PCDHGB4: variants seen among roughly 807,000 people sequenced by gnomAD.
The protein encoded by PCDHGB4 is protocadherin gamma subfamily B, 4.
Under a neutral mutation model 60.5 loss-of-function variants are expected in PCDHGB4, and 38 were observed. The ratio of observed to expected loss-of-function variants is 0.63; its 90% confidence interval spans 0.48 to 0.82. The LOEUF (loss-of-function observed/expected upper bound fraction) is 0.82, where lower values mean the gene tolerates loss of function less well. Ranked by LOEUF, PCDHGB4 falls within the 40% of genes least tolerant of loss-of-function variation. The pLI is 0.00. For synonymous variants in PCDHGB4, 456 were observed against 509.7 expected, an observed-to-expected ratio of 0.89 and a Z score of 1.42; for missense variants, 1,109 against 1,209.6, an observed-to-expected ratio of 0.92 and a Z score of 1.23.
intron 1 of PCDHGB4, among the ~76,000 whole-genome samples, chr5:141,448,115 T>A (rs62379166): frequency 0.025 from 3,743 of 151,768 alleles, 65 homozygotes; most frequent in Middle Eastern, 0.086. Flanking sequence ...GAAAAGAAAA[T>A]TAGCCTCCCC....
chr5:141,415,843 G>T (rs1022622333), intron 1 of PCDHGB4: 36 of 1,251,418 alleles, frequency 2.9e-5, no homozygotes, highest in Non-Finnish European at 3.6e-5. Flanking sequence ...GATTAGCTTT[G>T]CAGAACCTTG....
chr5:141,403,006 G>T, intron 1 of PCDHGB4: 3 of 1,614,006 alleles, frequency 1.9e-6, no homozygotes, highest in African/African-American at 1.3e-5. Context: ...TGCTATGCTC[G>T]CTCCTGGGGA....
intron 1 of PCDHGB4, chr5:141,415,377 C>A: frequency 1.2e-6 from 2 of 1,614,236 alleles, no homozygotes; most frequent in Non-Finnish European, 1.7e-6. Flanking sequence ...CTTCAGGAGG[C>A]GGCTTGACAG....
chr5:141,441,819 G>A (rs1040935030), intron 1 of PCDHGB4: 6 of 359,092 alleles, frequency 1.7e-5, no homozygotes, highest in Non-Finnish European at 3.3e-5. Context: ...CCCCAGCTCT[G>A]GAGCGCAATG....
chr5:141,404,809 G>A (rs1383342554), intron 1 of PCDHGB4: 1 of 1,613,984 alleles, frequency 6.2e-7, no homozygotes, highest in East Asian at 2.2e-5. Flanking sequence ...TCTTCTCGGT[G>A]GGGCTGCACA....
intron 1 of PCDHGB4, among the ~76,000 whole-genome samples, chr5:141,460,640 TGTTTACACATA>T (rs2098994223): frequency 6.6e-6 from 1 of 152,096 alleles, no homozygotes; most frequent in Admixed American, 6.6e-5. Flanking sequence ...TATATAACTG[TGTTTACACATA>T]TGTAACTGTA....
chr5:141,506,180 G>T (rs548366782), intron 3 of PCDHGB4, among the ~76,000 whole-genome samples: 44 of 152,294 alleles, frequency 2.9e-4, no homozygotes, highest in Non-Finnish European at 5.7e-4. Context: ...GCTGGGCGTG[G>T]TGGCTCACGC....
intron 1 of PCDHGB4, chr5:141,423,652 A>G (rs746768292): frequency 1.9e-6 from 3 of 1,583,268 alleles, no homozygotes; most frequent in Non-Finnish European, 2.6e-6. Flanking sequence ...TGACCCGACA[A>G]GTAATCAGGT....
intron 1 of PCDHGB4, chr5:141,407,979 T>G: frequency 1.3e-6 from 1 of 748,940 alleles, no homozygotes; most frequent in Non-Finnish European, 2.0e-6. Context: ...ACGCCGGGGA[T>G]CCGTCAGCCT....
chr5:141,502,037 C>T (rs2154593041), intron 2 of PCDHGB4, among the ~76,000 whole-genome samples: 1 of 152,302 alleles, frequency 6.6e-6, no homozygotes, highest in East Asian at 1.9e-4. Context: ...CGCCGCTTGC[C>T]TGCTCTCCCT....
chr5:141,475,388 G>C (rs1230010845), intron 1 of PCDHGB4, among the ~76,000 whole-genome samples: 8 of 152,170 alleles, frequency 5.3e-5, no homozygotes, highest in Non-Finnish European at 1.0e-4. Flanking sequence ...AATTTTATAA[G>C]CCAGAGTTAA....
chr5:141,427,494 A>G (rs1220750249), intron 1 of PCDHGB4: 1 of 560,916 alleles, frequency 1.8e-6, no homozygotes, highest in Non-Finnish European at 3.4e-6. Context: ...TAAGCTTGTA[A>G]CAGATGGGAC....
At chr5:141,404,906 C>T (rs776779922) in intron 1 of PCDHGB4, 7 of 1,613,864 alleles carry the variant, frequency 4.3e-6, no homozygotes, top group Non-Finnish European at 5.1e-6. Context: ...CCATGGCCAG[C>T]CCCCTCTCTC....
At chr5:141,397,543 G>A (rs547149193) in intron 1 of PCDHGB4, among the ~76,000 whole-genome samples, 17 of 152,282 alleles carry the variant, frequency 1.1e-4, no homozygotes, top group African/African-American at 3.8e-4. Flanking sequence ...TTTGAAATCA[G>A]TATAGTATGA....
intron 1 of PCDHGB4, among the ~76,000 whole-genome samples, chr5:141,482,238 A>G (rs560354311): frequency 8.5e-5 from 13 of 152,304 alleles, no homozygotes; most frequent in African/African-American, 2.9e-4. Context: ...TTGCCAATAT[A>G]AGTATAGTAC....
At chr5:141,456,306 G>C (rs937409031) in intron 1 of PCDHGB4, among the ~76,000 whole-genome samples, 1 of 152,158 alleles carries the variant, frequency 6.6e-6, no homozygotes, top group Non-Finnish European at 1.5e-5. Context: ...GAGAACAGCA[G>C]CTAGGGCTCC....
Position 141,477,749 on chromosome 5 carries a change from C to T in PCDHGB4, c.2398-17058C>T. The stretch of plus-strand genomic sequence containing the variant: ...AGCTCATATCAGCGATGGGGGCACC[C>T]CGGTCCTAGCCACCAACATCAGCGT... On this transcript the variant is annotated intron_variant, in intron 1 of 3. Transcript: ENST00000519479. The surrounding 1 kb of genome is among the most constrained non-coding windows in gnomAD (Gnocchi z 4.9). 1 of 1,613,904 alleles carries T rather than the reference C, an allele frequency of 6.2e-7. No homozygotes were observed. Among genetic ancestry groups the T allele is most frequent in the Non-Finnish European group, 8.5e-7 (1 of 1,180,030 alleles).
In PCDHGB4 at chr5:141,489,493, G is replaced by C. The variant is rs1485293604; in HGVS notation, c.2398-5314G>C. 3 of 1,614,078 alleles carry C rather than the reference G, an allele frequency of 1.9e-6. No homozygotes were observed. The South Asian group carries it at 3.3e-5, about 18-fold the overall frequency. On this transcript the variant is annotated intron_variant, in intron 1 of 3. Coordinates refer to ENST00000519479, the MANE Select transcript of PCDHGB4 (RefSeq NM_003736.4). This position sits in a 1 kb window ranked among gnomAD's most constrained non-coding sequence, Gnocchi z 4.5. Reference sequence around the variant, plus strand: ...CCTGAGCTTGATGAGTGGTGCCCTGGCAGTGAATCAAAAGATTGACCGAGA... The same window carrying C: ...CCTGAGCTTGATGAGTGGTGCCCTGCCAGTGAATCAAAAGATTGACCGAGA...
intron 1 of PCDHGB4, chr5:141,422,879 T>A: frequency 6.2e-7 from 1 of 1,614,240 alleles, no homozygotes; most frequent in Non-Finnish European, 8.5e-7. Context: ...TCGCTGAGCC[T>A]GTTCGTGCTG....
Sources: gnomAD v4.1 joint callset for allele counts (sites outside exome capture counted in the v4.1 genomes callset) on GRCh38, gnomAD v4.1.1 for gene constraint, Gnocchi (gnomAD v3.1) non-coding constraint, MANE v1.5 for transcripts, NCBI Gene and HGNC (gene_info 2026-07-23, HGNC 2026-07-21) for gene names.